Variants in CDH13 observed in about 807,000 individuals in gnomAD.
CDH13 encodes the protein cadherin 13, also known as cadherin-13.
Under a neutral mutation model 63.8 loss-of-function variants are expected in CDH13, and 24 were observed. That is an observed-to-expected ratio of 0.38 (90% CI 0.27 to 0.53). CDH13 has a LOEUF of 0.53. Among genes scored for constraint, CDH13 ranks in the 20% least tolerant of loss-of-function variants. CDH13 has a pLI of 0.85. For synonymous variants in CDH13, 503 were observed against 355.3 expected (o/e 1.42, Z -4.67); for missense variants, 1,049 against 903.1 (o/e 1.16, Z -2.07).
chr16:82,669,384 C>A (rs1001699943), intron 1 of CDH13, among the ~76,000 whole-genome samples: 1 of 152,202 alleles, frequency 6.6e-6, no homozygotes, highest in Admixed American at 6.5e-5. Context: ...TATATCTTAT[C>A]TACTGCCACA....
At chr16:83,450,539 G>T (rs564006756) in intron 6 of CDH13, among the ~76,000 whole-genome samples, 1 of 151,970 alleles carries the variant, frequency 6.6e-6, no homozygotes, top group Non-Finnish European at 1.5e-5. Flanking sequence ...TTATTAAATC[G>T]AACGGAAAAA....
intron 4 of CDH13, among the ~76,000 whole-genome samples, chr16:83,150,212 C>A (rs185257437): frequency 2.6e-5 from 4 of 152,204 alleles, no homozygotes; most frequent in African/African-American, 9.6e-5. Flanking sequence ...CCAATCCAAT[C>A]TCCATCCACC....
At chr16:83,763,984 C>A (rs962927207) in intron 11 of CDH13, among the ~76,000 whole-genome samples, 1 of 152,194 alleles carries the variant, frequency 6.6e-6, no homozygotes, top group Non-Finnish European at 1.5e-5. Flanking sequence ...GACTTACACT[C>A]TCTCAGCCTC....
chr16:83,678,687 G>A (rs544655310), intron 10 of CDH13, among the ~76,000 whole-genome samples: 1 of 152,194 alleles, frequency 6.6e-6, no homozygotes, highest in Non-Finnish European at 1.5e-5. Flanking sequence ...CCTGGGAGAA[G>A]AGTAGCTTCA....
chr16:83,663,868 G>A (rs985708328), intron 8 of CDH13, among the ~76,000 whole-genome samples: 5 of 152,074 alleles, frequency 3.3e-5, no homozygotes, highest in African/African-American at 9.7e-5. Context: ...ATCAGATAAA[G>A]AGAGGAGAAG....
chr16:83,182,586 A>G (rs566358810), intron 4 of CDH13, among the ~76,000 whole-genome samples: 1 of 152,224 alleles, frequency 6.6e-6, no homozygotes, highest in East Asian at 1.9e-4. Flanking sequence ...TCTGTTAGTC[A>G]TGCCATGCTG....
At chr16:83,042,113 C>T (rs1028258256) in intron 3 of CDH13, among the ~76,000 whole-genome samples, 3 of 152,164 alleles carry the variant, frequency 2.0e-5, no homozygotes, top group Admixed American at 6.6e-5. Flanking sequence ...TCAAGACACC[C>T]GACACGCTGC....
At chr16:83,460,491 A>T (rs532029511) in intron 6 of CDH13, among the ~76,000 whole-genome samples, 410 of 152,338 alleles carry the variant, frequency 2.7e-3, no homozygotes, top group Middle Eastern at 0.01. Flanking sequence ...TGATGGAAGC[A>T]TAGCTCCGTA....
chr16:83,304,460 G>A (rs541991375), intron 5 of CDH13, among the ~76,000 whole-genome samples: 5 of 152,204 alleles, frequency 3.3e-5, no homozygotes, highest in Admixed American at 2.6e-4. Flanking sequence ...GGATTTTCAA[G>A]CTTCCCTAGA....
intron 5 of CDH13, among the ~76,000 whole-genome samples, chr16:83,323,055 G>A (rs1360890298): frequency 6.6e-6 from 1 of 151,974 alleles, no homozygotes; most frequent in Non-Finnish European, 1.5e-5. Context: ...TTGCTATCGT[G>A]CAAATGAGCG....
intron 6 of CDH13, among the ~76,000 whole-genome samples, chr16:83,457,435 C>G (rs1232610632): frequency 1.3e-5 from 2 of 152,080 alleles, no homozygotes; most frequent in Non-Finnish European, 2.9e-5. Flanking sequence ...TTACATAGCC[C>G]CAGACACGTC....
chr16:83,164,963 A>T (rs1229542579), intron 4 of CDH13, among the ~76,000 whole-genome samples: 1 of 151,822 alleles, frequency 6.6e-6, no homozygotes. Flanking sequence ...CCATGGCAGA[A>T]CTGGAGACAA....
At chr16:83,683,377 A>G (rs1489247840) in intron 10 of CDH13, among the ~76,000 whole-genome samples, 3 of 152,232 alleles carry the variant, frequency 2.0e-5, no homozygotes, top group Admixed American at 6.5e-5. Context: ...AGTATCTGTC[A>G]TCATCTCAGA....
At chr16:83,254,592 C>T (rs79531800) in intron 5 of CDH13, among the ~76,000 whole-genome samples, 8,069 of 152,160 alleles carry the variant, frequency 0.053, 702 homozygotes, top group African/African-American at 0.18. Flanking sequence ...TTTCTCTGAT[C>T]CTTGTTTTTA....
chr16:82,912,043 C>A (rs1051508958), intron 2 of CDH13, among the ~76,000 whole-genome samples: 4 of 152,058 alleles, frequency 2.6e-5, no homozygotes, highest in Non-Finnish European at 4.4e-5. Context: ...CCAGCTCCCA[C>A]GGCTCTAATT....
At chr16:83,102,930 C>CTTTTTTTTTTTTTTTTTTTTTTTTTTTTT (rs71148812) in intron 3 of CDH13, among the ~76,000 whole-genome samples, 3 of 96,932 alleles carry the variant, frequency 3.1e-5, no homozygotes, top group Admixed American at 1.2e-4. Flanking sequence ...TTTTCTTTTT[C>CTTTTTTTTTTTTTTTTTTTTTTTTTTTTT]TTTTTTTTTT....
At chr16:83,291,500 G>A (rs181768740) in intron 5 of CDH13, among the ~76,000 whole-genome samples, 2 of 152,234 alleles carry the variant, frequency 1.3e-5, no homozygotes, top group African/African-American at 4.8e-5. Context: ...AGCGTAGTTA[G>A]TAGCAAGATA....
rs775232884 is a variant in CDH13 at position 83,748,097 on chromosome 16, A to AT, written c.1539-4dup. The AT allele has an allele frequency of 3.7e-6, 6 of 1,613,648 alleles. No homozygotes were observed. Among genetic ancestry groups the AT allele is most frequent in the Non-Finnish European group, 5.1e-6 (6 of 1,179,732 alleles). ...GAATGCAGAGTCTGACATTGTGGGGATTTTTTTCAGGTATTCTGTTTACAA... is the reference window on the plus strand; with the variant it reads ...GAATGCAGAGTCTGACATTGTGGGGATTTTTTTTCAGGTATTCTGTTTACAA... On this transcript the variant is annotated splice_polypyrimidine_tract_variant and intron_variant, in intron 10 of 13. Transcript: ENST00000567109.
intron 13 of CDH13, among the ~76,000 whole-genome samples, chr16:83,785,505 C>A (rs1915821161): frequency 6.6e-6 from 1 of 152,188 alleles, no homozygotes; most frequent in Non-Finnish European, 1.5e-5. Flanking sequence ...AACTTCAGAG[C>A]ATAGCAGATA....
Sources: gnomAD v4.1 joint callset for allele counts (sites outside exome capture counted in the v4.1 genomes callset) on GRCh38, gnomAD v4.1.1 for gene constraint, MANE v1.5 for transcripts, NCBI Gene and HGNC (gene_info 2026-07-23, HGNC 2026-07-21) for gene names.